The following SDC2 variants were observed in gnomAD, a reference collection of about 807,000 sequenced individuals.
SDC2 encodes syndecan 2.
Under a neutral mutation model 22.2 loss-of-function variants are expected in SDC2, and 13 were observed. The observed-to-expected ratio is 0.59, with a 90% CI of 0.38 to 0.93. SDC2 has a LOEUF of 0.93. Among genes scored for constraint, SDC2 ranks in the 40% least tolerant of loss-of-function variants. SDC2 has a pLI of 0.00. For synonymous variants in SDC2, 94 were observed against 92.8 expected, an observed-to-expected ratio of 1.01 and a Z score of -0.07; for missense variants, 235 against 246.8, an observed-to-expected ratio of 0.95 and a Z score of 0.32.
chr8:96,541,146 G>A (rs1192467907), intron 1 of SDC2, among the ~76,000 whole-genome samples: 4 of 152,082 alleles, frequency 2.6e-5, no homozygotes, highest in Non-Finnish European at 5.9e-5. Context: ...GAAGGAAATT[G>A]TAGACTGGGC....
intron 1 of SDC2, among the ~76,000 whole-genome samples, chr8:96,514,030 T>A (rs1204134815): frequency 6.6e-6 from 1 of 152,236 alleles, no homozygotes; most frequent in Non-Finnish European, 1.5e-5. Flanking sequence ...CCTTTCCTGA[T>A]AACTTGGTCT....
At chr8:96,606,798 T>G (rs1395781371) in intron 3 of SDC2, among the ~76,000 whole-genome samples, 2 of 152,008 alleles carry the variant, frequency 1.3e-5, no homozygotes, top group African/African-American at 4.8e-5. Flanking sequence ...GGGGGTTTAG[T>G]GAGGTAAAAG....
intron 1 of SDC2, among the ~76,000 whole-genome samples, chr8:96,583,745 T>C (rs1814635266): frequency 6.6e-6 from 1 of 151,704 alleles, no homozygotes; most frequent in African/African-American, 2.4e-5. Flanking sequence ...AATTGCAATA[T>C]AGTTGTAATA....
chr8:96,585,444 C>T (rs2464474), intron 1 of SDC2, among the ~76,000 whole-genome samples: 123,354 of 152,068 alleles, frequency 0.81, 50,843 homozygotes, highest in Non-Finnish European at 0.89. Context: ...GCCAGTGATA[C>T]GATGACTGGG....
chr8:96,528,110 G>A (rs1813606186), intron 1 of SDC2, among the ~76,000 whole-genome samples: 1 of 152,156 alleles, frequency 6.6e-6, no homozygotes, highest in South Asian at 2.1e-4. Context: ...ATTATTTGAT[G>A]AAGGGGGTTG....
chr8:96,597,779 A>G (rs1294531019), intron 2 of SDC2, among the ~76,000 whole-genome samples: 2 of 152,200 alleles, frequency 1.3e-5, no homozygotes, highest in African/African-American at 4.8e-5. Context: ...TCATTGAGGA[A>G]GTATTTCTTA....
At chr8:96,539,089 C>T (rs2582830) in intron 1 of SDC2, among the ~76,000 whole-genome samples, 87,223 of 152,136 alleles carry the variant, frequency 0.57, 26,646 homozygotes, top group Non-Finnish European at 0.7. Context: ...TCTAAAAGGC[C>T]GCATTTATGC....
At chr8:96,581,288 C>T (rs184134909) in intron 1 of SDC2, among the ~76,000 whole-genome samples, 32 of 152,208 alleles carry the variant, frequency 2.1e-4, no homozygotes, top group African/African-American at 6.5e-4. Context: ...TTTGCAAATT[C>T]GCTTTTACCT....
chr8:96,494,300 TG>T lies in SDC2; in HGVS notation c.32del (p.Gly11AlafsTer14). 2 of 1,546,798 alleles carry T rather than the reference TG, an allele frequency of 1.3e-6. No homozygotes were observed. On this transcript the variant is annotated frameshift_variant, in exon 1 of 5. Transcript: ENST00000302190. LOFTEE classifies it high-confidence loss of function. Reference sequence around the variant, plus strand: ...CGGCGCGCGTGGATCCTGCTCACCTTGGGCTTGGTGGCCTGCGTGTCGGCGG... The same window carrying T: ...CGGCGCGCGTGGATCCTGCTCACCTTGGCTTGGTGGCCTGCGTGTCGGCGG... MRRAWILLT[L>X]GLVACVSAES...
At chr8:96,520,933 G>A (rs1376198290) in intron 1 of SDC2, among the ~76,000 whole-genome samples, 2 of 152,174 alleles carry the variant, frequency 1.3e-5, no homozygotes, top group African/African-American at 2.4e-5. Flanking sequence ...CGGAGCTCTG[G>A]GAGACTGGAT....
intron 1 of SDC2, among the ~76,000 whole-genome samples, chr8:96,519,191 G>A (rs770790056): frequency 2.6e-5 from 4 of 152,062 alleles, no homozygotes; most frequent in Non-Finnish European, 2.9e-5. Context: ...AATGGAGGCC[G>A]ACCCAGAGTG....
chr8:96,517,570 A>G (rs928551389), intron 1 of SDC2, among the ~76,000 whole-genome samples: 3 of 152,142 alleles, frequency 2.0e-5, no homozygotes, highest in Admixed American at 2.0e-4. Flanking sequence ...AGTTGTCCCA[A>G]CACTTTCTTA....
At chr8:96,571,726 C>T (rs1419329642) in intron 1 of SDC2, among the ~76,000 whole-genome samples, 1 of 152,182 alleles carries the variant, frequency 6.6e-6, no homozygotes, top group Admixed American at 6.5e-5. Flanking sequence ...CGGAAGGAAA[C>T]CCAGCTGCTC....
At chr8:96,559,816 C>CT (rs1367589584) in intron 1 of SDC2, among the ~76,000 whole-genome samples, 1 of 152,190 alleles carries the variant, frequency 6.6e-6, no homozygotes, top group East Asian at 1.9e-4. Flanking sequence ...TTCTCTTCCA[C>CT]TTACTACTGA....
chr8:96,580,313 GTAAGGT>G (rs1814569347), intron 1 of SDC2: 1 of 864,670 alleles, frequency 1.2e-6, no homozygotes, highest in African/African-American at 1.8e-5. Context: ...CAGGCAGAGT[GTAAGGT>G]TAAGCAGCAG....
At chr8:96,593,798 C>A (rs1194037958) in intron 2 of SDC2, among the ~76,000 whole-genome samples, 2 of 152,154 alleles carry the variant, frequency 1.3e-5, no homozygotes, top group Admixed American at 6.5e-5. Context: ...CCTCAGTTTC[C>A]TCCTTTATAA....
chr8:96,504,960 A>G (rs186947622), intron 1 of SDC2, among the ~76,000 whole-genome samples: 3 of 152,150 alleles, frequency 2.0e-5, no homozygotes, highest in Admixed American at 2.0e-4. Flanking sequence ...TCTCTGGCAG[A>G]CAGGTGTGGG....
chr8:96,576,576 C>T (rs899302950), intron 1 of SDC2, among the ~76,000 whole-genome samples: 31 of 135,876 alleles, frequency 2.3e-4, no homozygotes, highest in Non-Finnish European at 4.0e-4. Context: ...CCCGCCACTA[C>T]GCCCGGCTAA....
At chr8:96,500,186 C>T (rs536807389) in intron 1 of SDC2, among the ~76,000 whole-genome samples, 9 of 152,242 alleles carry the variant, frequency 5.9e-5, no homozygotes, top group African/African-American at 2.2e-4. Flanking sequence ...CAGCTGTGCA[C>T]AGTCACACCT....
Sources: allele counts gnomAD v4.1 joint callset (sites outside exome capture counted in the v4.1 genomes callset), GRCh38; gene constraint gnomAD v4.1.1; transcripts MANE v1.5; gene names NCBI Gene and HGNC (gene_info 2026-07-23, HGNC 2026-07-21).